Variants in SEMA5B observed in about 807,000 individuals in gnomAD.
SEMA5B encodes semaphorin 5B.
Under a neutral mutation model 135.0 loss-of-function variants are expected in SEMA5B, and 66 were observed. The ratio of observed to expected loss-of-function variants is 0.49; its 90% confidence interval spans 0.40 to 0.60. The LOEUF (loss-of-function observed/expected upper bound fraction) is 0.60, where lower values mean the gene tolerates loss of function less well. Ranked by LOEUF, SEMA5B falls within the 20% of genes least tolerant of loss-of-function variation. SEMA5B has a pLI of 0.00. For missense variants in SEMA5B, 1,501 were observed against 1,566.3 expected, an observed-to-expected ratio of 0.96 and a Z score of 0.70; for synonymous variants, 690 against 639.5, an observed-to-expected ratio of 1.08 and a Z score of -1.19.
At chr3:122,991,002 G>T (rs1025959481) in intron 1 of SEMA5B, among the ~76,000 whole-genome samples, 2 of 152,170 alleles carry the variant, frequency 1.3e-5, no homozygotes, top group African/African-American at 4.8e-5. Flanking sequence ...GCTCACACAT[G>T]CTCCGGATGC....
At chr3:123,012,201 C>T (rs959399388) in intron 1 of SEMA5B, among the ~76,000 whole-genome samples, 4 of 152,146 alleles carry the variant, frequency 2.6e-5, no homozygotes, top group Non-Finnish European at 5.9e-5. Context: ...ATGAGGACTT[C>T]GGTGAGAGAC....
At chr3:122,997,518 T>TCCC (rs1553785271) in intron 1 of SEMA5B, among the ~76,000 whole-genome samples, 15 of 142,884 alleles carry the variant, frequency 1.0e-4, no homozygotes, top group African/African-American at 3.9e-4. Flanking sequence ...CCCAGGCCTC[T>TCCC]CCCCCCCCCG....
At chr3:122,947,065 T>A (rs369854638) in intron 3 of SEMA5B, among the ~76,000 whole-genome samples, 2 of 151,822 alleles carry the variant, frequency 1.3e-5, no homozygotes, top group African/African-American at 2.4e-5. Context: ...CAAGCCAATA[T>A]TGCCCCCAAC....
intron 1 of SEMA5B, among the ~76,000 whole-genome samples, chr3:123,012,827 C>T (rs1942466825): frequency 6.6e-6 from 1 of 152,194 alleles, no homozygotes; most frequent in South Asian, 2.1e-4. Context: ...ACCAGAATTG[C>T]CTTCCATCAG....
chr3:123,028,216 G>T (rs2107865326), upstream of SEMA5B, among the ~76,000 whole-genome samples: 1 of 152,288 alleles, frequency 6.6e-6, no homozygotes, highest in South Asian at 2.1e-4. Flanking sequence ...CCCCAGCCCC[G>T]TCAGTTCGGA....
At chr3:122,954,283 G>A (rs1354521493) in intron 2 of SEMA5B, among the ~76,000 whole-genome samples, 2 of 152,220 alleles carry the variant, frequency 1.3e-5, no homozygotes, top group Admixed American at 6.5e-5. Context: ...ACCAGTGACA[G>A]GAGACAGAGG....
intron 4 of SEMA5B, among the ~76,000 whole-genome samples, chr3:122,941,711 C>T (rs968914522): frequency 3.3e-5 from 5 of 152,222 alleles, no homozygotes; most frequent in Admixed American, 6.5e-5. Flanking sequence ...TCTTCGGATG[C>T]TACCATTTGG....
intron 12 of SEMA5B, among the ~76,000 whole-genome samples, chr3:122,918,556 C>T (rs1332193992): frequency 2.0e-5 from 3 of 152,198 alleles, no homozygotes; most frequent in Non-Finnish European, 4.4e-5. Context: ...CTTTCCAAAC[C>T]ATGGCAGAAT....
chr3:123,022,894 C>T (rs1325097498), intron 1 of SEMA5B, among the ~76,000 whole-genome samples: 1 of 152,210 alleles, frequency 6.6e-6, no homozygotes, highest in Non-Finnish European at 1.5e-5. Context: ...TTCTCCCTGC[C>T]ATTTTCTAGC....
intron 1 of SEMA5B, among the ~76,000 whole-genome samples, chr3:122,977,829 C>T (rs1277046634): frequency 6.6e-6 from 1 of 152,232 alleles, no homozygotes; most frequent in Non-Finnish European, 1.5e-5. Flanking sequence ...GCACAATGCC[C>T]AGAAGCCAGC....
At chr3:123,018,068 G>A (rs1039113092) in intron 1 of SEMA5B, among the ~76,000 whole-genome samples, 2 of 152,210 alleles carry the variant, frequency 1.3e-5, no homozygotes, top group African/African-American at 4.8e-5. Context: ...GCTTCGCTTT[G>A]AGAATTCCTG....
chr3:122,966,804 C>T (rs935731255), intron 1 of SEMA5B, among the ~76,000 whole-genome samples: 4 of 149,918 alleles, frequency 2.7e-5, no homozygotes, highest in African/African-American at 4.9e-5. Context: ...GTGATCTGCC[C>T]GCCTCGGCCT....
At position 122,910,240 on chromosome 3, in the gene SEMA5B, G is replaced by A; in HGVS notation, c.3359C>T (p.Thr1120Ile). 2 of 1,614,148 alleles carry A rather than the reference G, an allele frequency of 1.2e-6. No homozygotes were observed. Among genetic ancestry groups the A allele is most frequent in the Non-Finnish European group, 1.7e-6 (2 of 1,179,966 alleles). Reference sequence around the variant, plus strand: ...GTAGTAAGTAGTCGTGTACACATTGGTCTGCTGCAATGGGTAGAAGTTGGC... The same window carrying A: ...GTAGTAAGTAGTCGTGTACACATTGATCTGCTGCAATGGGTAGAAGTTGGC... The part of the protein sequence containing the change: ...DRANFYPLQQ[T>I]NVYTTTYYPS... Residue 1120 changes from threonine to isoleucine, a missense_variant, in exon 23 of 23, where the codon ACC becomes ATC. Physicochemically the swap from Thr to Ile is moderately conservative, Grantham distance 89 (BLOSUM62 -1). Transcript: ENST00000357599.
chr3:122,954,595 G>T (rs1940198737), intron 2 of SEMA5B, among the ~76,000 whole-genome samples: 1 of 152,218 alleles, frequency 6.6e-6, no homozygotes, highest in Non-Finnish European at 1.5e-5. Flanking sequence ...GAGGTTGTCA[G>T]TGGGGCTTAC....
At chr3:122,926,344 C>G (rs377669474) in intron 9 of SEMA5B, 48 bp downstream of exon 9, 21 of 1,559,058 alleles carry the variant, frequency 1.3e-5, no homozygotes, top group Admixed American at 1.7e-5. Context: ...TGAGGCCAGG[C>G]CAGCTCCTGA....
intron 1 of SEMA5B, among the ~76,000 whole-genome samples, chr3:123,015,818 C>T (rs1385478373): frequency 6.6e-6 from 1 of 152,216 alleles, no homozygotes; most frequent in Non-Finnish European, 1.5e-5. Flanking sequence ...AAGACTCAGG[C>T]AACCTGCAGC....
chr3:122,943,519 G>A lies in SEMA5B; in HGVS notation c.345C>T (p.Val115=). The A allele has an allele frequency of 6.2e-7, 1 of 1,608,790 alleles. No individual in the cohort carries two copies. Among genetic ancestry groups the A allele is most frequent in the African/African-American group, 1.3e-5 (1 of 75,046 alleles). ...TVAFEDLQPW[V]SNFTYPGARD... is the part of the protein sequence containing the mutation. ...GGGCTCCAGGGTAGGTGAAGTTAGA[G>A]ACCCACGGCTGCAGGTCTGGTGGAG... The change falls in exon 4 of 23, where the codon GTC becomes GTT. Residue 115 remains valine (V), a synonymous_variant. Coordinates refer to ENST00000357599, the MANE Select transcript of SEMA5B (RefSeq NM_001031702.4).
intron 1 of SEMA5B, among the ~76,000 whole-genome samples, chr3:122,986,401 C>A (rs185444203): frequency 2.6e-5 from 4 of 152,298 alleles, no homozygotes; most frequent in African/African-American, 9.6e-5. Flanking sequence ...GACATGAGAT[C>A]TTCTGAAAAA....
chr3:122,911,418 G>A (rs1184568823), intron 21 of SEMA5B, 73 bp downstream of exon 21: 5 of 1,570,534 alleles, frequency 3.2e-6, no homozygotes, highest in African/African-American at 1.3e-5. Context: ...GATGTGGAAA[G>A]AGTCCAGACT....
Sources: allele counts gnomAD v4.1 joint callset (sites outside exome capture counted in the v4.1 genomes callset), GRCh38; gene constraint gnomAD v4.1.1; transcripts MANE v1.5; gene names NCBI Gene and HGNC (gene_info 2026-07-23, HGNC 2026-07-21).